NTM: variants seen among roughly 807,000 people sequenced by gnomAD.
NTM encodes the protein IgLON family member 2.
Under a neutral mutation model 42.1 loss-of-function variants are expected in NTM, and 13 were observed. That is an observed-to-expected ratio of 0.31 (90% CI 0.20 to 0.49). The LOEUF (loss-of-function observed/expected upper bound fraction) is 0.49. NTM is among the 20% of genes least tolerant of loss of function. The pLI is 0.99. For missense variants in NTM, 373 were observed against 452.8 expected, an observed-to-expected ratio of 0.82 and a Z score of 1.60; for synonymous variants, 187 against 179.2, an observed-to-expected ratio of 1.04 and a Z score of -0.35.
chr11:131,781,526 G>A (rs770232977), intron 1 of NTM, among the ~76,000 whole-genome samples: 1 of 152,080 alleles, frequency 6.6e-6, no homozygotes, highest in African/African-American at 2.4e-5. Flanking sequence ...ATTGTTAAAT[G>A]TGTGCCACCA....
chr11:132,287,746 A>G (rs1278937252), intron 4 of NTM, among the ~76,000 whole-genome samples: 1 of 152,214 alleles, frequency 6.6e-6, no homozygotes, highest in Non-Finnish European at 1.5e-5. Flanking sequence ...AAAATGTGCT[A>G]ACATGCATGT....
intron 1 of NTM, among the ~76,000 whole-genome samples, chr11:131,646,732 G>C (rs1042952124): frequency 6.6e-6 from 1 of 152,084 alleles, no homozygotes; most frequent in Non-Finnish European, 1.5e-5. Context: ...GAAACGTATA[G>C]TGGGGAACTG....
At chr11:131,798,226 G>A (rs2091785349) in intron 1 of NTM, among the ~76,000 whole-genome samples, 1 of 152,210 alleles carries the variant, frequency 6.6e-6, no homozygotes, top group Non-Finnish European at 1.5e-5. Context: ...GTGGGTGCAT[G>A]GGCTGCCGTC....
intron 1 of NTM, among the ~76,000 whole-genome samples, chr11:131,719,541 AG>A (rs937478422): frequency 6.6e-6 from 1 of 152,230 alleles, no homozygotes; most frequent in Non-Finnish European, 1.5e-5. Flanking sequence ...ACTGTGGTAG[AG>A]GGAGCAATGC....
chr11:132,067,094 A>G (rs1179494067), intron 2 of NTM, among the ~76,000 whole-genome samples: 1 of 152,158 alleles, frequency 6.6e-6, no homozygotes, highest in East Asian at 1.9e-4. Flanking sequence ...AGCTGGAACC[A>G]TAGGCATGTG....
At chr11:131,648,056 T>C (rs2065989897) in intron 1 of NTM, among the ~76,000 whole-genome samples, 1 of 152,190 alleles carries the variant, frequency 6.6e-6, no homozygotes, top group Non-Finnish European at 1.5e-5. Flanking sequence ...CCCTTCTTTG[T>C]GTCCATGTGT....
At chr11:131,683,024 A>G (rs1189136490) in intron 1 of NTM, among the ~76,000 whole-genome samples, 2 of 152,214 alleles carry the variant, frequency 1.3e-5, no homozygotes, top group Non-Finnish European at 2.9e-5. Flanking sequence ...GCAAGGACGC[A>G]GGCCCATACC....
At chr11:131,971,475 C>A (rs2063519846) in intron 2 of NTM, among the ~76,000 whole-genome samples, 1 of 152,062 alleles carries the variant, frequency 6.6e-6, no homozygotes, top group Admixed American at 6.5e-5. Context: ...TTCTCAGTTG[C>A]AGATATTGAA....
chr11:131,766,863 C>T (rs777752832), intron 1 of NTM, among the ~76,000 whole-genome samples: 3 of 152,180 alleles, frequency 2.0e-5, no homozygotes, highest in Non-Finnish European at 2.9e-5. Flanking sequence ...CGTAAATATT[C>T]AGCCACAGCC....
At chr11:132,303,833 G>A (rs539352245) in intron 4 of NTM, among the ~76,000 whole-genome samples, 1 of 152,086 alleles carries the variant, frequency 6.6e-6, no homozygotes, top group South Asian at 2.1e-4. Context: ...TATACCAGTT[G>A]TTTAGACTAA....
At chr11:131,824,063 T>C (rs2093296951) in intron 1 of NTM, among the ~76,000 whole-genome samples, 1 of 152,172 alleles carries the variant, frequency 6.6e-6, no homozygotes, top group African/African-American at 2.4e-5. Context: ...TTGAAAAGAA[T>C]TCTCAAAAGG....
At chr11:132,079,685 G>T (rs530623778) in intron 2 of NTM, among the ~76,000 whole-genome samples, 1 of 152,140 alleles carries the variant, frequency 6.6e-6, no homozygotes, top group Non-Finnish European at 1.5e-5. Flanking sequence ...GATGACAATT[G>T]TGAACGTAAC....
chr11:131,716,414 C>A (rs767331190), intron 1 of NTM, among the ~76,000 whole-genome samples: 12 of 152,114 alleles, frequency 7.9e-5, no homozygotes, highest in Non-Finnish European at 1.0e-4. Flanking sequence ...TGAATCATAT[C>A]GTAGGTGTAT....
intron 1 of NTM, among the ~76,000 whole-genome samples, chr11:131,568,141 G>A (rs540469135): frequency 7.2e-5 from 11 of 152,288 alleles, no homozygotes; most frequent in African/African-American, 2.6e-4. Context: ...AGTTCAATTT[G>A]CCTAAATCAT....
chr11:131,719,251 G>T (rs1396614930), intron 1 of NTM, among the ~76,000 whole-genome samples: 1 of 152,060 alleles, frequency 6.6e-6, no homozygotes, highest in Non-Finnish European at 1.5e-5. Context: ...TCTTGTTGTT[G>T]TTTCCAGTGG....
intron 4 of NTM, among the ~76,000 whole-genome samples, chr11:132,217,479 A>G (rs1325020032): frequency 6.6e-6 from 1 of 151,646 alleles, no homozygotes; most frequent in Non-Finnish European, 1.5e-5. Context: ...GCCTCCTGAT[A>G]TATGAATTGA....
intron 1 of NTM, among the ~76,000 whole-genome samples, chr11:131,553,228 G>T (rs979990470): frequency 3.9e-5 from 6 of 152,182 alleles, no homozygotes; most frequent in African/African-American, 1.4e-4. Context: ...TGTCTGGGTG[G>T]TGGTTACAAG....
intron 2 of NTM, among the ~76,000 whole-genome samples, chr11:132,009,435 G>A (rs117715801): frequency 6.6e-6 from 1 of 152,042 alleles, no homozygotes; most frequent in African/African-American, 2.4e-5. Flanking sequence ...AAGAGTGTGA[G>A]CAGAAGAAAG....
intron 1 of NTM, among the ~76,000 whole-genome samples, chr11:131,684,514 A>G (rs2073541659): frequency 6.6e-6 from 1 of 152,190 alleles, no homozygotes; most frequent in Non-Finnish European, 1.5e-5. Flanking sequence ...TGGGAGGAGC[A>G]TGCCCTTGGA....
Sources: gnomAD v4.1 joint callset for allele counts (sites outside exome capture counted in the v4.1 genomes callset) on GRCh38, gnomAD v4.1.1 for gene constraint, MANE v1.5 for transcripts, NCBI Gene and HGNC (gene_info 2026-07-23, HGNC 2026-07-21) for gene names.